MRPS6: variants seen among roughly 807,000 people sequenced by gnomAD.
The protein encoded by MRPS6 is mitochondrial ribosomal protein S6.
In MRPS6, 6 loss-of-function variants were observed where a neutral mutation model predicts 13.1. The ratio of observed to expected loss-of-function variants is 0.46; its 90% CI spans 0.25 to 0.91. MRPS6 has a LOEUF of 0.91. Ranked by LOEUF, MRPS6 falls within the 40% of genes least tolerant of loss-of-function variation. The probability of loss-of-function intolerance (pLI) is 0.18; values close to 1 mark genes in which losing one functional copy is unlikely to be tolerated. For missense variants in MRPS6, 164 were observed against 155.6 expected, an observed-to-expected ratio of 1.05 and a Z score of -0.29; for synonymous variants, 61 against 56.5, an observed-to-expected ratio of 1.08 and a Z score of -0.36.
intron 1 of MRPS6, among the ~76,000 whole-genome samples, chr21:34,117,790 C>T (rs1287968115): frequency 6.6e-6 from 1 of 152,060 alleles, no homozygotes; most frequent in Admixed American, 6.6e-5. Flanking sequence ...ATGTATGTAT[C>T]TCCTGTGTAT....
At chr21:34,136,552 C>T (rs1349040338) in intron 2 of MRPS6, among the ~76,000 whole-genome samples, 2 of 152,158 alleles carry the variant, frequency 1.3e-5, no homozygotes, top group Non-Finnish European at 2.9e-5. Context: ...TTGCATTTCT[C>T]TCATGACTAA....
At chr21:34,097,385 A>G in intron 1 of MRPS6, 1 of 1,543,998 alleles carries the variant, frequency 6.5e-7, no homozygotes, top group East Asian at 2.3e-5. Flanking sequence ...CACTAACTTA[A>G]GACAATACTG....
At chr21:34,085,571 G>T (rs572920488) in intron 1 of MRPS6, among the ~76,000 whole-genome samples, 1 of 150,502 alleles carries the variant, frequency 6.6e-6, no homozygotes, top group East Asian at 1.9e-4. Flanking sequence ...CATTTCACCT[G>T]TAAGTAATTA....
At chr21:34,122,285 T>C (rs1980145970) in intron 1 of MRPS6, 1 of 152,216 alleles carries the variant, frequency 6.6e-6, no homozygotes, top group Non-Finnish European at 1.5e-5. Context: ...AAGCCAGATT[T>C]GGCCCAAGAG....
chr21:34,091,393 C>T (rs539491501), intron 1 of MRPS6, among the ~76,000 whole-genome samples: 1 of 151,970 alleles, frequency 6.6e-6, no homozygotes, highest in African/African-American at 2.4e-5. Context: ...GCCCATATAT[C>T]CTGCTGTTTA....
chr21:34,129,805 C>T (rs988106199), intron 2 of MRPS6, among the ~76,000 whole-genome samples: 1 of 152,196 alleles, frequency 6.6e-6, no homozygotes, highest in African/African-American at 2.4e-5. Context: ...ACCAGGTTTT[C>T]AGACAGGGCT....
intron 1 of MRPS6, chr21:34,103,332 C>T (rs199501209): frequency 1.5e-6 from 1 of 656,938 alleles, no homozygotes; most frequent in Non-Finnish European, 1.9e-6. Flanking sequence ...AAAAAAAAAA[C>T]ATGCATTACA....
chr21:34,137,335 T>G (rs1335099367), intron 2 of MRPS6, among the ~76,000 whole-genome samples: 3 of 152,176 alleles, frequency 2.0e-5, no homozygotes, highest in African/African-American at 7.2e-5. Flanking sequence ...AGATTTTGTT[T>G]CTTTCAGCAG....
chr21:34,112,710 C>G (rs1465888601), intron 1 of MRPS6, among the ~76,000 whole-genome samples: 6 of 152,282 alleles, frequency 3.9e-5, no homozygotes, highest in African/African-American at 1.4e-4. Flanking sequence ...TGGCAGCTCC[C>G]AATCCCCCCT....
chr21:34,089,112 C>T (rs1978551246), intron 1 of MRPS6, among the ~76,000 whole-genome samples: 1 of 151,268 alleles, frequency 6.6e-6, no homozygotes, highest in Non-Finnish European at 1.5e-5. Flanking sequence ...CTGCAACCTC[C>T]ACCTCTCTGG....
At chr21:34,099,441 T>C (rs914038311) in intron 1 of MRPS6, 52 of 1,000,086 alleles carry the variant, frequency 5.2e-5, no homozygotes, top group Non-Finnish European at 6.0e-5. Context: ...CTTTTGGTGT[T>C]TGGGAAAGTA....
Position 34,135,352 on chromosome 21 carries a change from T to G in MRPS6, c.186-7056T>G, listed in dbSNP as rs924255311. ...GCAATGTATATGAGAGCCGGTTTTT[T>G]TTTTTTTTTTTTTTTTTTTTGTGGT... On this transcript the variant is annotated intron_variant, in intron 2 of 2. Coordinates refer to ENST00000399312, the MANE Select transcript of MRPS6 (RefSeq NM_032476.4). 553 of 161,184 alleles carry G rather than the reference T, an allele frequency of 3.4e-3. 1 individual carries two copies. The highest frequency in any genetic ancestry group is 5.1e-3 in the Non-Finnish European group (384 of 76,016). The allele number at this position is 161,184 out of a possible 1,614,324, so 10.0% of individuals were successfully genotyped here.
Position 34,096,104 on chromosome 21 carries a change from T to C in MRPS6, c.45+22359T>C. The stretch of plus-strand genomic sequence containing the variant: ...ATGCCAAAGGCTCTACTCTTATGGC[T>C]GGCTTCTTAAAGCTCCTGCCAATGT... On this transcript the variant is annotated intron_variant, in intron 1 of 2. Coordinates refer to ENST00000399312, the MANE Select transcript of MRPS6 (RefSeq NM_032476.4). This position sits in a 1 kb window ranked among gnomAD's most constrained non-coding sequence, Gnocchi z 5.9. 1 of 1,614,154 alleles carries C rather than the reference T, an allele frequency of 6.2e-7. No homozygotes were observed. Among genetic ancestry groups the C allele is most frequent in the Middle Eastern group, 1.6e-4 (1 of 6,062 alleles).
chr21:34,103,536 T>G (rs1428397015), intron 1 of MRPS6: 2 of 1,000,032 alleles, frequency 2.0e-6, no homozygotes, highest in African/African-American at 3.5e-5. Flanking sequence ...GACAACAGTT[T>G]ATATTCCATG....
At position 34,105,032 on chromosome 21, in the gene MRPS6, A is replaced by G. The variant is rs1057320672; in HGVS notation, c.46-20309A>G. ...GATCTCTAACTTTTGAGTGGCAAAC[A>G]GATCAAGTCTTTTGCTCATAGACTT... On this transcript the variant is annotated intron_variant, in intron 1 of 2. Transcript: ENST00000399312. The G allele has an allele frequency of 2.4e-5, 24 of 1,000,152 alleles. No homozygotes were observed. The African/African-American group carries it at 4.0e-4, about 17-fold the overall frequency. 62.0% of individuals were successfully genotyped at this position (1,000,152 alleles called of 1,614,324 possible).
intron 1 of MRPS6, chr21:34,124,496 G>C (rs1980231774): frequency 6.8e-6 from 1 of 147,248 alleles, no homozygotes; most frequent in Non-Finnish European, 1.5e-5. Flanking sequence ...TATTGTTCAA[G>C]CTTTTTTTTT....
At position 34,098,717 on chromosome 21, in the gene MRPS6, A is replaced by G. The variant is rs1425052194; in HGVS notation, c.45+24972A>G. On this transcript the variant is annotated intron_variant, in intron 1 of 2. Coordinates refer to ENST00000399312, the MANE Select transcript of MRPS6 (RefSeq NM_032476.4). ...TATTACAGGACTGTGTAATTATAGG[A>G]CTCTAACTTGACATGGCTTGGCACC... The G allele has an allele frequency of 2.5e-5, 25 of 999,936 alleles. No individual in the cohort carries two copies. In the South Asian group the frequency reaches 1.1e-3, roughly 43 times the overall value. 61.9% of individuals were successfully genotyped at this position (999,936 alleles called of 1,614,324 possible). A position where few individuals can be genotyped will look rare whatever the true frequency, so the allele number is the denominator to read the frequency against.
Position 34,073,708 on chromosome 21 carries a change from G to A in MRPS6, c.8G>A (p.Arg3His), listed in dbSNP as rs757522029. 1.1e-5 allele frequency: 17 copies of A among 1,525,334 alleles called. No homozygotes were observed. In the South Asian group the frequency reaches 1.5e-4, roughly 13 times the overall value. The allele number at this position is 1,525,334 out of a possible 1,614,324, so 94.5% of individuals were successfully genotyped here. A position where few individuals can be genotyped will look rare whatever the true frequency, so the allele number is the denominator to read the frequency against. MP[R>H]YELALILKAM... Reference sequence around the variant, plus strand: ...CTCGCCGATCCTCCAGGCATGCCCCGCTACGAGCTGGCTTTAATCCTGAAA... The same window carrying A: ...CTCGCCGATCCTCCAGGCATGCCCCACTACGAGCTGGCTTTAATCCTGAAA... The change falls in exon 1 of 3, where the codon CGC becomes CAC. Residue 3 changes from arginine to histidine, a missense_variant. Arg to His is a conservative substitution (Grantham distance 29, BLOSUM62 0). Coordinates refer to ENST00000399312, the MANE Select transcript of MRPS6 (RefSeq NM_032476.4).
chr21:34,100,568 G>A, intron 1 of MRPS6: 1 of 1,000,230 alleles, frequency 1.0e-6, no homozygotes, highest in South Asian at 4.7e-5. Flanking sequence ...GGCACAAAGA[G>A]CCTGGCCAGG....
Sources: gnomAD v4.1 joint callset for allele counts (sites outside exome capture counted in the v4.1 genomes callset) on GRCh38, gnomAD v4.1.1 for gene constraint, Gnocchi (gnomAD v3.1) non-coding constraint, MANE v1.5 for transcripts, NCBI Gene and HGNC (gene_info 2026-07-23, HGNC 2026-07-21) for gene names.